DNAH7: variants seen among roughly 807,000 people sequenced by gnomAD.
DNAH7 encodes the protein axonemal beta dynein heavy chain 7.
A neutral mutation model predicts 444.6 loss-of-function variants in DNAH7; 397 were observed. That is an observed-to-expected ratio of 0.89 (90% confidence interval 0.82 to 0.97). The LOEUF (loss-of-function observed/expected upper bound fraction) is 0.97, where lower values mean the gene tolerates loss of function less well. Ranked by LOEUF, DNAH7 falls within the 50% of genes least tolerant of loss-of-function variation. The pLI is 0.00. For synonymous variants in DNAH7, 1,636 were observed against 1,624.4 expected (o/e 1.01, Z -0.17); for missense variants, 4,902 against 4,800.8 (o/e 1.02, Z -0.62).
rs1052356585 is a variant in DNAH7 at position 195,957,289 on chromosome 2, C to A, written c.3050G>T (p.Trp1017Leu). 2 of 1,590,820 alleles carry A rather than the reference C, an allele frequency of 1.3e-6. No homozygotes were observed. The highest frequency in any genetic ancestry group is 2.7e-5 in the African/African-American group (2 of 74,588). ...GRRFTAVDKT[W>L]RDIMRSVMQD... ...CATGACACTTCTCATTATATCTCTC[C>A]ATGTCTTATCCACAGCTGTAAATCG... Residue 1017 changes from tryptophan to leucine, a missense_variant, in exon 19 of 65, where the codon TGG becomes TTG. Trp to Leu is a moderately conservative substitution (Grantham distance 61). Transcript: ENST00000312428.
At chr2:195,989,358 G>T (rs1015707767) in intron 12 of DNAH7, among the ~76,000 whole-genome samples, 2 of 152,064 alleles carry the variant, frequency 1.3e-5, no homozygotes, top group Non-Finnish European at 2.9e-5. Flanking sequence ...ATCATCTTTT[G>T]TCTTTTCAAG....
At chr2:195,834,149 T>C (rs1036007801) in intron 48 of DNAH7, 57 bp downstream of exon 48, 1 of 1,527,924 alleles carries the variant, frequency 6.5e-7, no homozygotes, top group African/African-American at 1.4e-5. Context: ...CAGTTTTGGG[T>C]TAATTGTGCC....
At chr2:196,055,144 C>A (rs1388459302) in intron 2 of DNAH7, among the ~76,000 whole-genome samples, 2 of 151,956 alleles carry the variant, frequency 1.3e-5, no homozygotes, top group Non-Finnish European at 2.9e-5. Context: ...TCACTAGAGC[C>A]CAGGAGTTCA....
chr2:196,068,424 G>T (rs1250948748), intron 1 of DNAH7: 2 of 510,482 alleles, frequency 3.9e-6, no homozygotes, highest in East Asian at 3.2e-5. Flanking sequence ...TAGCACTCTG[G>T]GGGTGCTCTG....
At chr2:195,998,386 T>G (rs1693830151) in intron 12 of DNAH7, among the ~76,000 whole-genome samples, 1 of 152,008 alleles carries the variant, frequency 6.6e-6, no homozygotes, top group Non-Finnish European at 1.5e-5. Context: ...CCATCTTGGC[T>G]AAGACGTTGA....
At chr2:196,052,339 CAA>C (rs1697527724) in intron 2 of DNAH7, among the ~76,000 whole-genome samples, 1 of 152,144 alleles carries the variant, frequency 6.6e-6, no homozygotes, top group South Asian at 2.1e-4. Context: ...CTGTGCTGTC[CAA>C]AACAGTATGC....
chr2:196,005,218 G>A (rs768828027), intron 10 of DNAH7, among the ~76,000 whole-genome samples: 21 of 151,800 alleles, frequency 1.4e-4, no homozygotes, highest in Admixed American at 1.4e-3. Context: ...AGCTTGCGGT[G>A]AGCCAAGATG....
intron 25 of DNAH7, among the ~76,000 whole-genome samples, chr2:195,907,692 T>C (rs1687115395): frequency 6.6e-6 from 1 of 152,292 alleles, no homozygotes; most frequent in South Asian, 2.1e-4. Context: ...TTCATATGCA[T>C]ATTTTATGCA....
At chr2:195,955,412 G>A (rs1690579977) in intron 19 of DNAH7, among the ~76,000 whole-genome samples, 1 of 152,120 alleles carries the variant, frequency 6.6e-6, no homozygotes, top group African/African-American at 2.4e-5. Flanking sequence ...GTACCATGCT[G>A]TTTTGGTTAC....
rs745636634 is a variant in DNAH7 at position 195,799,411 on chromosome 2, G to T, written c.10238C>A (p.Pro3413His). Residue 3413 changes from proline (P) to histidine (H), a missense_variant, in exon 55 of 65, where the codon CCC becomes CAC. Coordinates refer to ENST00000312428, the MANE Select transcript of DNAH7 (RefSeq NM_018897.3). ...NRLGRAFIEPPPFDLAKAFGD... is the reference protein window; with the variant it reads ...NRLGRAFIEPHPFDLAKAFGD... ...AAATGCCTTGGCTAAATCAAAGGGGGGTGGTTCAATGAATGCACGTCCCAA... is the reference window on the plus strand; with the variant it reads ...AAATGCCTTGGCTAAATCAAAGGGGTGTGGTTCAATGAATGCACGTCCCAA... 4 of 1,610,214 alleles carry T rather than the reference G, an allele frequency of 2.5e-6. No individual in the cohort carries two copies. The African/African-American group carries it at 4.0e-5, about 16-fold the overall frequency.
At position 195,771,905 on chromosome 2, in the gene DNAH7, A is replaced by G. The variant is rs2105940441; in HGVS notation, c.11203-15T>C. ...GCTGAACGAGACTATGAAGAATCCA[A>G]ACTATAACTCAAAAATCCTCATAAA... On this transcript the variant is annotated splice_polypyrimidine_tract_variant and intron_variant, in intron 60 of 64. Coordinates refer to ENST00000312428, the MANE Select transcript of DNAH7 (RefSeq NM_018897.3). The G allele has an allele frequency of 6.2e-7, 1 of 1,609,490 alleles. No individual in the cohort carries two copies. Among genetic ancestry groups the G allele is most frequent in the Middle Eastern group, 1.7e-4 (1 of 6,050 alleles).
At position 195,754,455 on chromosome 2, in the gene DNAH7, T is replaced by C. The variant is rs754790993; in HGVS notation, c.11646A>G (p.Gln3882=). 15 of 1,613,962 alleles carry C rather than the reference T, an allele frequency of 9.3e-6. No individual in the cohort carries two copies. The highest frequency in any genetic ancestry group is 1.3e-5 in the African/African-American group (1 of 74,912). The part of the protein sequence containing the change: ...VFWLSGFFFT[Q]AFLTGAQQNY... ...TCTGCTGGGCACCGGTCAGGAAGGC[T>C]TGTGTGAAGAAGAAGCCAGAAAGCC... Residue 3882 remains glutamine, a synonymous_variant, in exon 63 of 65, where the codon CAA becomes CAG. Transcript: ENST00000312428.
At position 195,954,353 on chromosome 2, in the gene DNAH7, G is replaced by A. The variant is rs191923694; in HGVS notation, c.3078+2908C>T. Among the ~76,000 whole-genome samples the A allele has an allele frequency of 4.2e-4, 64 of 152,310 alleles. 1 individual carries two copies. In the East Asian group the frequency reaches 0.01, roughly 25 times the overall value. On this transcript the variant is annotated intron_variant, in intron 19 of 64. Coordinates refer to ENST00000312428, the MANE Select transcript of DNAH7 (RefSeq NM_018897.3). ...TCATCCATGTCCCTACAAAGGACAT[G>A]AACTCATCCTTATTTATGGCTGCAT...
At position 195,888,804 on chromosome 2, in the gene DNAH7, C is replaced by T. The variant is rs765441290; in HGVS notation, c.5224G>A (p.Ala1742Thr). ...TGTCAAAATGGAGAACTTACAGTGG[C>T]AGGGGAAGCAACTTCTAAATCCATT... ...EPMDLEVASP[A>T]TVSRCGMIYM... is the part of the protein sequence containing the mutation. The change falls in exon 32 of 65, where the codon GCC becomes ACC. Residue 1742 changes from alanine to threonine, a missense_variant. Transcript: ENST00000312428. 3.1e-6 allele frequency: 5 copies of T among 1,610,654 alleles called. No homozygotes were observed. In the East Asian group the frequency reaches 6.7e-5, roughly 22 times the overall value.
intron 44 of DNAH7, among the ~76,000 whole-genome samples, chr2:195,856,934 T>C (rs1404046329): frequency 2.6e-5 from 4 of 152,156 alleles, no homozygotes; most frequent in Admixed American, 6.5e-5. Context: ...TTAAAGAGAT[T>C]TGTAAAAGTA....
chr2:196,026,539 C>T (rs1229994300), intron 7 of DNAH7, among the ~76,000 whole-genome samples: 1 of 152,064 alleles, frequency 6.6e-6, no homozygotes, highest in African/African-American at 2.4e-5. Flanking sequence ...CAGTGCTATC[C>T]TTTGTGGTGG....
chr2:195,741,349 T>G (rs985127206), intron 63 of DNAH7, among the ~76,000 whole-genome samples: 1 of 152,238 alleles, frequency 6.6e-6, no homozygotes, highest in African/African-American at 2.4e-5. Flanking sequence ...GAATTTATTC[T>G]TACTGCCAAG....
chr2:195,974,755 T>TAC (rs58054572), intron 15 of DNAH7, among the ~76,000 whole-genome samples: 10,558 of 143,548 alleles, frequency 0.074, 478 homozygotes, highest in African/African-American at 0.14. Flanking sequence ...ATGTATATTT[T>TAC]ACACACACAC....
chr2:195,769,572 C>G (rs1694741700), intron 61 of DNAH7, among the ~76,000 whole-genome samples: 1 of 152,090 alleles, frequency 6.6e-6, no homozygotes, highest in Admixed American at 6.6e-5. Flanking sequence ...CCTACACATT[C>G]CTTCCCTATG....
Sources: gnomAD v4.1 joint callset for allele counts (sites outside exome capture counted in the v4.1 genomes callset) on GRCh38, gnomAD v4.1.1 for gene constraint, MANE v1.5 for transcripts, NCBI Gene and HGNC (gene_info 2026-07-23, HGNC 2026-07-21) for gene names.